Variants in SH3PXD2A observed in about 807,000 individuals in gnomAD.
SH3PXD2A encodes SH3 and PX domains 2A.
Under a neutral mutation model 115.2 loss-of-function variants are expected in SH3PXD2A, and 32 were observed. The ratio of observed to expected loss-of-function variants is 0.28; its 90% CI spans 0.21 to 0.37. The LOEUF (loss-of-function observed/expected upper bound fraction) is 0.37. SH3PXD2A is among the 10% of genes least tolerant of loss of function. The pLI, the probability that SH3PXD2A is intolerant of heterozygous loss-of-function variation, is 1.00. For synonymous variants in SH3PXD2A, 610 were observed against 629.1 expected (o/e 0.97, Z 0.45); for missense variants, 1,328 against 1,498.7 (o/e 0.89, Z 1.88).
At chr10:103,810,929 C>A (rs1261373193) in intron 1 of SH3PXD2A, among the ~76,000 whole-genome samples, 1 of 4,318 alleles carries the variant, frequency 2.3e-4, no homozygotes, top group Non-Finnish European at 7.2e-4. Context: ...CGGAGACACA[C>A]ACATGGACAC....
At chr10:103,670,785 G>C (rs1241343947) in intron 6 of SH3PXD2A, among the ~76,000 whole-genome samples, 1 of 152,210 alleles carries the variant, frequency 6.6e-6, no homozygotes, top group East Asian at 1.9e-4. Context: ...TTCAAGCCCT[G>C]GTAGGGCTGA....
At chr10:103,852,027 C>T (rs1842901523) in intron 1 of SH3PXD2A, among the ~76,000 whole-genome samples, 1 of 152,232 alleles carries the variant, frequency 6.6e-6, no homozygotes. Context: ...AATCTGCATT[C>T]TGCATCCAGC....
rs147525293 is a variant in SH3PXD2A, at chr10:103,777,554, G to A, written c.154-10385C>T. 3.0e-3 allele frequency among the ~76,000 whole-genome samples: 458 copies of A among 152,366 alleles called. 2 individuals carry two copies. The highest frequency in any genetic ancestry group is 6.8e-3 in the Middle Eastern group (2 of 294). On this transcript the variant is annotated intron_variant, in intron 2 of 14. Coordinates refer to ENST00000369774, the MANE Select transcript of SH3PXD2A (RefSeq NM_001394015.1). Reference sequence around the variant, plus strand: ...CTGGGCGGATAGCCCGACACCTGCAGTGAGATATACACAGGGTGAATTAAG... The same window carrying A: ...CTGGGCGGATAGCCCGACACCTGCAATGAGATATACACAGGGTGAATTAAG...
At chr10:103,815,885 T>G (rs2039318974) in intron 1 of SH3PXD2A, among the ~76,000 whole-genome samples, 1 of 143,178 alleles carries the variant, frequency 7.0e-6, no homozygotes, top group Non-Finnish European at 1.5e-5. Flanking sequence ...CGAGACTCCA[T>G]CTCAAAAAAA....
intron 5 of SH3PXD2A, among the ~76,000 whole-genome samples, chr10:103,718,529 G>T (rs1164837401): frequency 6.6e-6 from 1 of 152,214 alleles, no homozygotes; most frequent in Non-Finnish European, 1.5e-5. Flanking sequence ...CTGCACCCAG[G>T]CTCCAAGGCC....
At chr10:103,632,772 G>A (rs761889248) in intron 8 of SH3PXD2A, among the ~76,000 whole-genome samples, 3 of 152,146 alleles carry the variant, frequency 2.0e-5, no homozygotes, top group Non-Finnish European at 4.4e-5. Flanking sequence ...TCAAGAGATC[G>A]AGACCAGCCC....
intron 3 of SH3PXD2A, among the ~76,000 whole-genome samples, chr10:103,758,014 G>A (rs571376671): frequency 9.2e-5 from 14 of 152,258 alleles, no homozygotes; most frequent in Non-Finnish European, 1.5e-4. Context: ...CCCGTTGCAC[G>A]CCACACAGCG....
At chr10:103,791,075 C>T (rs749037659) in intron 2 of SH3PXD2A, among the ~76,000 whole-genome samples, 9 of 152,334 alleles carry the variant, frequency 5.9e-5, no homozygotes, top group African/African-American at 1.4e-4. Flanking sequence ...ACTCACAAGA[C>T]GTCACCCAGA....
intron 13 of SH3PXD2A, chr10:103,610,158 G>A (rs1290176664): frequency 6.6e-6 from 1 of 152,328 alleles, no homozygotes; most frequent in East Asian, 1.9e-4. Context: ...AGTGAGGGGT[G>A]GGAGGAAGCT....
rs768402608 is a variant in SH3PXD2A at position 103,601,796 on chromosome 10, GGAA to G, written c.*17_*19del. 2.0e-6 allele frequency: 3 copies of G among 1,527,784 alleles called. No homozygotes were observed. The highest frequency in any genetic ancestry group is 1.8e-4 in the Middle Eastern group (1 of 5,666). The allele number at this position is 1,527,784 out of a possible 1,614,324, so 94.6% of individuals were successfully genotyped here. A position where few individuals can be genotyped will look rare whatever the true frequency, so the allele number is the denominator to read the frequency against. On this transcript the variant is annotated 3_prime_UTR_variant, in exon 15 of 15. Transcript: ENST00000369774. Reference sequence around the variant, plus strand: ...GCGGCCAGAGAGGCACACTGAGGCTGGAAGAGCCCAGGCCCTCTGCTAGTTCTT... The same window carrying G: ...GCGGCCAGAGAGGCACACTGAGGCTGGAGCCCAGGCCCTCTGCTAGTTCTT...
chr10:103,627,189 C>G lies in SH3PXD2A; in HGVS notation c.618G>C (p.Val206=), dbSNP rs746559190. Residue 206 remains valine (V), a synonymous_variant, in exon 9 of 15, where the codon GTG becomes GTC. Coordinates refer to ENST00000369774, the MANE Select transcript of SH3PXD2A (RefSeq NM_001394015.1). The surrounding 1 kb of genome is among the most constrained non-coding windows in gnomAD (Gnocchi z 4.4). ...IEKNESGWWF[V]STSEEQGWVP... ...CCCAGCCCTGCTCCTCAGAAGTGCT[C>G]ACGAACCACCAGCCTGCAGGGAGGA... 12 of 1,606,344 alleles carry G rather than the reference C, an allele frequency of 7.5e-6. No individual in the cohort carries two copies. In the East Asian group the frequency reaches 2.7e-4, roughly 36 times the overall value.
chr10:103,840,332 C>T (rs191623224), intron 1 of SH3PXD2A, among the ~76,000 whole-genome samples: 101 of 152,348 alleles, frequency 6.6e-4, no homozygotes, highest in African/African-American at 2.4e-3. Context: ...GGCCCAGCCC[C>T]CTCCCCAGAC....
intron 2 of SH3PXD2A, among the ~76,000 whole-genome samples, chr10:103,773,443 C>CTTT (rs545361723): frequency 8.0e-6 from 1 of 125,088 alleles, no homozygotes; most frequent in African/African-American, 2.8e-5. Context: ...TTCTTTCTTT[C>CTTT]TTTTTTTTTT....
intron 4 of SH3PXD2A, among the ~76,000 whole-genome samples, chr10:103,730,130 A>G (rs780173214): frequency 6.6e-6 from 1 of 152,182 alleles, no homozygotes; most frequent in Non-Finnish European, 1.5e-5. Context: ...CGTCAGGACA[A>G]AGAGCAAAGC....
intron 2 of SH3PXD2A, among the ~76,000 whole-genome samples, chr10:103,793,283 A>G (rs987054555): frequency 2.6e-5 from 4 of 152,154 alleles, no homozygotes; most frequent in African/African-American, 9.7e-5. Flanking sequence ...AAACATTTAC[A>G]TTCATATGCT....
At chr10:103,685,990 CCT>C (rs1163603654) in intron 6 of SH3PXD2A, among the ~76,000 whole-genome samples, 1 of 152,150 alleles carries the variant, frequency 6.6e-6, no homozygotes, top group African/African-American at 2.4e-5. Flanking sequence ...GGGTTCAAAC[CCT>C]GTCTTCCTGT....
intron 5 of SH3PXD2A, among the ~76,000 whole-genome samples, chr10:103,709,351 T>C (rs1197998645): frequency 1.3e-5 from 2 of 152,176 alleles, no homozygotes; most frequent in Non-Finnish European, 2.9e-5. Context: ...TTCCCTTCTC[T>C]GGACTGCACA....
Position 103,603,754 on chromosome 10 carries a change from C to T in SH3PXD2A, c.1464G>A (p.Val488=), listed in dbSNP as rs1370390064. 1 of 1,610,482 alleles carries T rather than the reference C, an allele frequency of 6.2e-7. No homozygotes were observed. The change falls in exon 15 of 15, where the codon GTG becomes GTA. Residue 488 remains valine, a synonymous_variant. Coordinates refer to ENST00000369774, the MANE Select transcript of SH3PXD2A (RefSeq NM_001394015.1). ...CCCAGCCCTCCTTCTCACCGATCTGCACGTACCACCAGCCACCTGAGTTCT... is the reference window on the plus strand; with the variant it reads ...CCCAGCCCTCCTTCTCACCGATCTGTACGTACCACCAGCCACCTGAGTTCT... ...IDKNSGGWWY[V]QIGEKEGWAP... is the part of the protein sequence containing the mutation.
rs922935080 is a variant in SH3PXD2A, at chr10:103,756,210, T to C, written c.229+10884A>G. On this transcript the variant is annotated intron_variant, in intron 3 of 14. Transcript: ENST00000369774. The surrounding 1 kb of genome is among the most constrained non-coding windows in gnomAD (Gnocchi z 4.4). ...CTGCTGGGTGCCAGGCAGCCCTGGA[T>C]GAATGATACATCAGTTCACACAGGT... is the stretch of plus-strand genomic sequence containing the variant. 2.0e-5 allele frequency among the ~76,000 whole-genome samples: 3 copies of C among 152,124 alleles called. No homozygotes were observed. The highest frequency in any genetic ancestry group is 6.5e-5 in the Admixed American group (1 of 15,292).
Sources: allele counts gnomAD v4.1 joint callset (sites outside exome capture counted in the v4.1 genomes callset), GRCh38; gene constraint gnomAD v4.1.1; non-coding constraint Gnocchi (gnomAD v3.1); transcripts MANE v1.5; gene names NCBI Gene and HGNC (gene_info 2026-07-23, HGNC 2026-07-21).